The following TMC1 variants were observed in gnomAD, a reference collection of about 807,000 sequenced individuals.
TMC1 encodes the protein transmembrane channel like 1, also known as transmembrane channel-like protein 1.
A neutral mutation model predicts 105.8 loss-of-function variants in TMC1; 84 were observed. The ratio of observed to expected loss-of-function variants is 0.79; its 90% CI spans 0.67 to 0.95. The LOEUF (loss-of-function observed/expected upper bound fraction) is 0.95, where lower values mean the gene tolerates loss of function less well. Ranked by LOEUF, TMC1 falls within the 40% of genes least tolerant of loss-of-function variation. The pLI is 0.00. For missense variants in TMC1, 817 were observed against 914.1 expected, an observed-to-expected ratio of 0.89 and a Z score of 1.37; for synonymous variants, 315 against 311.5, an observed-to-expected ratio of 1.01 and a Z score of -0.12.
intron 1 of TMC1, among the ~76,000 whole-genome samples, chr9:72,562,400 C>T (rs1049779283): frequency 6.6e-6 from 1 of 152,164 alleles, no homozygotes; most frequent in Admixed American, 6.5e-5. Flanking sequence ...ATGTAATTTA[C>T]ATTTTTACAT....
intron 11 of TMC1, among the ~76,000 whole-genome samples, chr9:72,753,117 A>G (rs1351010218): frequency 6.6e-6 from 1 of 152,044 alleles, no homozygotes. Flanking sequence ...TTGCACTTTA[A>G]TCCACTAGTT....
intron 3 of TMC1, among the ~76,000 whole-genome samples, chr9:72,619,245 T>A (rs1825198260): frequency 1.3e-5 from 2 of 152,218 alleles, no homozygotes; most frequent in Admixed American, 6.5e-5. Flanking sequence ...AGATACAAAT[T>A]TAATCATATC....
intron 5 of TMC1, among the ~76,000 whole-genome samples, chr9:72,652,666 A>T (rs1387174728): frequency 6.6e-6 from 1 of 152,196 alleles, no homozygotes; most frequent in Non-Finnish European, 1.5e-5. Flanking sequence ...TTAAAATGTA[A>T]TTGTATTGAG....
At chr9:72,552,798 C>T (rs1023744762) in intron 1 of TMC1, among the ~76,000 whole-genome samples, 5 of 152,006 alleles carry the variant, frequency 3.3e-5, no homozygotes, top group Admixed American at 6.6e-5. Context: ...TGTTTCTGTT[C>T]GGATTTAATG....
intron 13 of TMC1, among the ~76,000 whole-genome samples, chr9:72,787,527 T>C (rs1055252809): frequency 1.3e-5 from 2 of 152,086 alleles, no homozygotes; most frequent in Non-Finnish European, 2.9e-5. Flanking sequence ...TATGAAATTT[T>C]AATTTTGCTA....
chr9:72,684,150 T>C (rs1473274620), intron 5 of TMC1, among the ~76,000 whole-genome samples: 2 of 152,168 alleles, frequency 1.3e-5, no homozygotes, highest in Non-Finnish European at 2.9e-5. Flanking sequence ...GTTCATTTCA[T>C]AGCCTACATC....
chr9:72,819,238 T>C (rs1828834135), intron 19 of TMC1, among the ~76,000 whole-genome samples: 1 of 152,200 alleles, frequency 6.6e-6, no homozygotes, highest in Non-Finnish European at 1.5e-5. Flanking sequence ...ACACAGGACT[T>C]TTAAAGTTTC....
intron 18 of TMC1, among the ~76,000 whole-genome samples, chr9:72,810,641 G>A (rs886155929): frequency 1.3e-5 from 2 of 151,966 alleles, no homozygotes; most frequent in African/African-American, 4.8e-5. Flanking sequence ...AGAGTAGACT[G>A]GTTACTTGCT....
At chr9:72,539,827 C>T (rs571637855) in intron 1 of TMC1, among the ~76,000 whole-genome samples, 34 of 152,222 alleles carry the variant, frequency 2.2e-4, no homozygotes, top group Middle Eastern at 3.4e-3. Context: ...TTGCTTTAAA[C>T]GAATACCGGA....
intron 2 of TMC1, among the ~76,000 whole-genome samples, chr9:72,609,048 C>A (rs1333845548): frequency 1.3e-5 from 2 of 152,130 alleles, no homozygotes; most frequent in African/African-American, 2.4e-5. Context: ...ATATTCTCTT[C>A]CTCCCTTACT....
intron 8 of TMC1, among the ~76,000 whole-genome samples, chr9:72,714,653 G>A (rs1826889474): frequency 6.6e-6 from 1 of 152,086 alleles, no homozygotes; most frequent in Non-Finnish European, 1.5e-5. Context: ...TTGAGCCTAT[G>A]TGTGTCTTTG....
chr9:72,530,822 A>ATTTT (rs35627708), intron 1 of TMC1, among the ~76,000 whole-genome samples: 1 of 133,774 alleles, frequency 7.5e-6, no homozygotes, highest in Admixed American at 7.7e-5. Flanking sequence ...TTCTGCCATG[A>ATTTT]TTTTTTTTTT....
At chr9:72,623,385 C>T (rs2132129359) in intron 3 of TMC1, among the ~76,000 whole-genome samples, 1 of 152,124 alleles carries the variant, frequency 6.6e-6, no homozygotes, top group Admixed American at 6.6e-5. Flanking sequence ...ATGGGCTCTG[C>T]CAAACAGTAA....
intron 18 of TMC1, among the ~76,000 whole-genome samples, chr9:72,813,869 A>G (rs1263794954): frequency 6.6e-6 from 1 of 152,186 alleles, no homozygotes; most frequent in Non-Finnish European, 1.5e-5. Context: ...TGTCTGTTCT[A>G]CAAATCCACT....
chr9:72,640,230 C>T (rs1443005194), intron 4 of TMC1, among the ~76,000 whole-genome samples: 3 of 152,172 alleles, frequency 2.0e-5, no homozygotes, highest in Non-Finnish European at 4.4e-5. Flanking sequence ...CATGGCTGGC[C>T]TGTGAGAATC....
intron 2 of TMC1, among the ~76,000 whole-genome samples, chr9:72,587,149 G>A (rs1039054117): frequency 3.5e-5 from 5 of 144,854 alleles, no homozygotes; most frequent in African/African-American, 1.3e-4. Flanking sequence ...ATCTGGTTAT[G>A]TAACAGATAA....
At chr9:72,725,363 ATATATG>A (rs1227819722) in intron 8 of TMC1, among the ~76,000 whole-genome samples, 5 of 82,990 alleles carry the variant, frequency 6.0e-5, no homozygotes, top group African/African-American at 2.6e-4. Flanking sequence ...ATATATATAT[ATATATG>A]TATATACACA....
chr9:72,539,057 C>T (rs1425793140), intron 1 of TMC1, among the ~76,000 whole-genome samples: 3 of 150,502 alleles, frequency 2.0e-5, no homozygotes, highest in Non-Finnish European at 4.4e-5. Context: ...CCAGCAGCCA[C>T]GCCACTTCTT....
At chr9:72,706,617 C>A (rs577523008) in intron 8 of TMC1, among the ~76,000 whole-genome samples, 1 of 152,294 alleles carries the variant, frequency 6.6e-6, no homozygotes, top group South Asian at 2.1e-4. Context: ...CTGTATCATT[C>A]TTATGCATTT....
Sources: gnomAD v4.1 joint callset for allele counts (sites outside exome capture counted in the v4.1 genomes callset) on GRCh38, gnomAD v4.1.1 for gene constraint, MANE v1.5 for transcripts, NCBI Gene and HGNC (gene_info 2026-07-23, HGNC 2026-07-21) for gene names.